SLC2A2: variants seen among roughly 807,000 people sequenced by gnomAD.
SLC2A2 encodes solute carrier family 2 member 2.
A neutral mutation model predicts 54.5 loss-of-function variants in SLC2A2; 36 were observed. The observed-to-expected ratio is 0.66, with a 90% confidence interval of 0.51 to 0.87. SLC2A2 has a LOEUF of 0.87. Ranked by LOEUF, SLC2A2 falls within the 40% of genes least tolerant of loss-of-function variation. SLC2A2 has a pLI of 0.00. For synonymous variants in SLC2A2, 223 were observed against 219.1 expected, an observed-to-expected ratio of 1.02 and a Z score of -0.16; for missense variants, 543 against 624.3, an observed-to-expected ratio of 0.87 and a Z score of 1.39.
chr3:170,997,739 TAAAA>T lies in SLC2A2; in HGVS notation c.*160_*163del. The T allele has an allele frequency of 1.5e-6, 1 of 660,752 alleles. No homozygotes were observed. Among genetic ancestry groups the T allele is most frequent in the South Asian group, 1.9e-5 (1 of 51,864 alleles). 40.9% of individuals were successfully genotyped at this position (660,752 alleles called of 1,614,324 possible). A position where few individuals can be genotyped will look rare whatever the true frequency, so the allele number is the denominator to read the frequency against. ...ACCATCAAAAATATATTCTCTAACT[TAAAA>T]AAATACTTTTTTGGTAATATTTGAT... On this transcript the variant is annotated 3_prime_UTR_variant, in exon 11 of 11. Transcript: ENST00000314251.
rs543181298 is a variant in SLC2A2, at chr3:170,996,905, C to T, written c.*998G>A. 2 of 371,594 alleles carry T rather than the reference C, an allele frequency of 5.4e-6. No homozygotes were observed. The highest frequency in any genetic ancestry group is 9.6e-6 in the Non-Finnish European group (2 of 209,050). 23.0% of individuals were successfully genotyped at this position (371,594 alleles called of 1,614,324 possible). A position where few individuals can be genotyped will look rare whatever the true frequency, so the allele number is the denominator to read the frequency against. On this transcript the variant is annotated 3_prime_UTR_variant, in exon 11 of 11. Coordinates refer to ENST00000314251, the MANE Select transcript of SLC2A2 (RefSeq NM_000340.2). Reference sequence around the variant, plus strand: ...GCCCACACTCAGGAATCCTCAAACCCTACCTTTTCAACTTATTTTGAGACA... The same window carrying T: ...GCCCACACTCAGGAATCCTCAAACCTTACCTTTTCAACTTATTTTGAGACA...
At chr3:171,020,163 G>A (rs1193948501) in intron 1 of SLC2A2, among the ~76,000 whole-genome samples, 1 of 152,138 alleles carries the variant, frequency 6.6e-6, no homozygotes, top group African/African-American at 2.4e-5. Context: ...CTACCCTGGT[G>A]TAAAGCCCCA....
chr3:171,016,718 T>C (rs531452826), intron 2 of SLC2A2, among the ~76,000 whole-genome samples: 29 of 152,204 alleles, frequency 1.9e-4, no homozygotes, highest in African/African-American at 7.0e-4. Context: ...AGGGCCTATA[T>C]AGAGAGAGAG....
intron 5 of SLC2A2, among the ~76,000 whole-genome samples, chr3:171,006,464 A>G (rs1715609475): frequency 6.6e-6 from 1 of 152,096 alleles, no homozygotes; most frequent in South Asian, 2.1e-4. Flanking sequence ...TTCTCCAGGC[A>G]ACCAGATAGA....
chr3:170,997,822 TA>T lies in SLC2A2; in HGVS notation c.*80del, dbSNP rs570902048. 2.8e-4 allele frequency: 312 copies of T among 1,128,714 alleles called. No individual in the cohort carries two copies. The African/African-American group carries it at 4.6e-3, about 17-fold the overall frequency. 69.9% of individuals were successfully genotyped at this position (1,128,714 alleles called of 1,614,324 possible). On this transcript the variant is annotated 3_prime_UTR_variant, in exon 11 of 11. Transcript: ENST00000314251. ...AAAACAATACTTAAAGATGTGGATA[TA>T]AAATGCTCAAGGAATCATCATTTAA...
chr3:171,022,519 T>A (rs1716509799), intron 1 of SLC2A2, among the ~76,000 whole-genome samples: 1 of 152,182 alleles, frequency 6.6e-6, no homozygotes, highest in African/African-American at 2.4e-5. Flanking sequence ...ACTCAATTGC[T>A]CATCGGTAGC....
chr3:171,016,820 G>T (rs566889172), intron 2 of SLC2A2, among the ~76,000 whole-genome samples: 1 of 151,296 alleles, frequency 6.6e-6, no homozygotes, highest in Non-Finnish European at 1.5e-5. Context: ...CTAAGCTTCC[G>T]TCTAAGACTG....
intron 2 of SLC2A2, among the ~76,000 whole-genome samples, chr3:171,016,825 A>G (rs1327563164): frequency 4.6e-5 from 7 of 151,368 alleles, no homozygotes; most frequent in Non-Finnish European, 1.0e-4. Context: ...CTTCCGTCTA[A>G]GACTGGAGGG....
chr3:171,005,175 C>T (rs1715533305), intron 7 of SLC2A2, 110 bp downstream of exon 7: 5 of 899,308 alleles, frequency 5.6e-6, no homozygotes, highest in East Asian at 4.9e-5. Flanking sequence ...TAGCAAGACC[C>T]ATGATGCCAA....
rs1477848144 is a variant in SLC2A2 at position 170,996,792 on chromosome 3, A to G, written c.*1111T>C. On this transcript the variant is annotated 3_prime_UTR_variant, in exon 11 of 11. Transcript: ENST00000314251. ...AGGAGACGATTATTTTATGTTAGGA[A>G]CACACCATAAAACAATCAGTCTTTC... is the stretch of plus-strand genomic sequence containing the variant. 1 of 395,134 alleles carries G rather than the reference A, an allele frequency of 2.5e-6. No homozygotes were observed. Among genetic ancestry groups the G allele is most frequent in the Non-Finnish European group, 4.5e-6 (1 of 224,084 alleles). The allele number at this position is 395,134 out of a possible 1,614,324, so 24.5% of individuals were successfully genotyped here. A position where few individuals can be genotyped will look rare whatever the true frequency, so the allele number is the denominator to read the frequency against.
chr3:171,022,370 TGTTTAGCTGTTTGGCTTC>T (rs1716502804), intron 1 of SLC2A2, among the ~76,000 whole-genome samples: 2 of 152,194 alleles, frequency 1.3e-5, no homozygotes, highest in Admixed American at 6.5e-5. Flanking sequence ...CACTTGTGGG[TGTTTAGCTGTTTGGCTTC>T]AAACACACAG....
chr3:171,010,578 T>C (rs559007410), intron 3 of SLC2A2, among the ~76,000 whole-genome samples: 12 of 152,294 alleles, frequency 7.9e-5, no homozygotes, highest in Admixed American at 7.2e-4. Context: ...TTCAATTCTA[T>C]AGTTGTAACC....
intron 1 of SLC2A2, among the ~76,000 whole-genome samples, chr3:171,024,579 G>T (rs1039434259): frequency 6.6e-6 from 1 of 152,192 alleles, no homozygotes; most frequent in African/African-American, 2.4e-5. Flanking sequence ...AGGTGATCTT[G>T]CATGCAACTT....
intron 5 of SLC2A2, 142 bp downstream of exon 5, chr3:171,007,006 G>T: frequency 1.4e-6 from 1 of 696,756 alleles, no homozygotes; most frequent in Non-Finnish European, 2.7e-6. Flanking sequence ...TCTCTGTGCT[G>T]GTCTACAGTG....
intron 6 of SLC2A2, among the ~76,000 whole-genome samples, chr3:171,005,728 G>C (rs1715565655): frequency 6.6e-6 from 1 of 151,938 alleles, no homozygotes; most frequent in Non-Finnish European, 1.5e-5. Context: ...GGATCTTTTA[G>C]AAACCTCTGG....
intron 2 of SLC2A2, 47 bp downstream of exon 2, chr3:171,018,484 C>G (rs1257258213): frequency 2.4e-6 from 3 of 1,264,260 alleles, no homozygotes; most frequent in Non-Finnish European, 2.3e-6. Flanking sequence ...TGATATCTAT[C>G]ACTGACAGAA....
chr3:170,997,804 T>C lies in SLC2A2; in HGVS notation c.*99A>G. On this transcript the variant is annotated 3_prime_UTR_variant, in exon 11 of 11. Transcript: ENST00000314251. ...ATGAGAGCACATAAAAATAAAACAA[T>C]ACTTAAAGATGTGGATATAAAATGC... 1.1e-6 allele frequency: 1 copy of C among 950,550 alleles called. No homozygotes were observed. 58.9% of individuals were successfully genotyped at this position (950,550 alleles called of 1,614,324 possible).
intron 3 of SLC2A2, among the ~76,000 whole-genome samples, chr3:171,011,515 A>C (rs1280453524): frequency 6.6e-6 from 1 of 152,140 alleles, no homozygotes; most frequent in East Asian, 1.9e-4. Flanking sequence ...TGGCATTTTG[A>C]CTTTAGCTAA....
intron 2 of SLC2A2, among the ~76,000 whole-genome samples, chr3:171,017,058 G>T (rs896964553): frequency 5.9e-5 from 9 of 151,862 alleles, no homozygotes; most frequent in African/African-American, 1.9e-4. Flanking sequence ...CTCCATGTTG[G>T]TCAGGCTGGT....
Sources: gnomAD v4.1 joint callset for allele counts (sites outside exome capture counted in the v4.1 genomes callset) on GRCh38, gnomAD v4.1.1 for gene constraint, MANE v1.5 for transcripts, NCBI Gene and HGNC (gene_info 2026-07-23, HGNC 2026-07-21) for gene names.